OPCML: variants seen among roughly 807,000 people sequenced by gnomAD.
OPCML encodes opioid-binding protein/cell adhesion molecule.
In OPCML, 13 loss-of-function variants were observed where a neutral mutation model predicts 37.8. The observed-to-expected ratio is 0.34, with a 90% CI of 0.22 to 0.55. The LOEUF (loss-of-function observed/expected upper bound fraction) is 0.55. OPCML is among the 20% of genes least tolerant of loss of function. The probability of loss-of-function intolerance (pLI) is 0.91; values close to 1 mark genes in which losing one functional copy is unlikely to be tolerated. For missense variants in OPCML, 341 were observed against 435.6 expected, an observed-to-expected ratio of 0.78 and a Z score of 1.93; for synonymous variants, 176 against 168.8, an observed-to-expected ratio of 1.04 and a Z score of -0.33.
At chr11:132,452,578 T>C (rs550800125) in intron 4 of OPCML, among the ~76,000 whole-genome samples, 80 of 150,414 alleles carry the variant, frequency 5.3e-4, no homozygotes, top group African/African-American at 1.9e-3. Context: ...CCTGCCTGCC[T>C]TCCTACTTTC....
chr11:132,771,263 A>AT (rs1195965884), intron 2 of OPCML, among the ~76,000 whole-genome samples: 24 of 152,290 alleles, frequency 1.6e-4, no homozygotes, highest in Admixed American at 1.3e-3. Context: ...TATACAATGC[A>AT]TTTTTTCCCA....
chr11:132,719,717 T>C (rs1341788350), intron 2 of OPCML, among the ~76,000 whole-genome samples: 3 of 152,128 alleles, frequency 2.0e-5, no homozygotes, highest in Non-Finnish European at 4.4e-5. Context: ...TCCCTTTATA[T>C]TGAAATAAAA....
At chr11:133,237,071 G>A (rs143306234) in intron 1 of OPCML, among the ~76,000 whole-genome samples, 162 of 152,266 alleles carry the variant, frequency 1.1e-3, no homozygotes, top group South Asian at 9.5e-3. Context: ...TCAAACATGG[G>A]GAAGGAGTCC....
intron 1 of OPCML, among the ~76,000 whole-genome samples, chr11:133,473,766 G>A (rs964962191): frequency 1.3e-5 from 2 of 152,196 alleles, no homozygotes; most frequent in Non-Finnish European, 2.9e-5. Context: ...TTTGTGCCCA[G>A]TACATCCAAC....
rs780687044 is a variant in OPCML, at chr11:133,140,728, GAC to G, written c.62-197720_62-197719del. ...AAGACGGAAGACGAAGACGGAAGAC[GAC>G]GACGACGACGACGACGAGGAAGAAG... is the stretch of plus-strand genomic sequence containing the variant. On this transcript the variant is annotated intron_variant, in intron 1 of 7. Coordinates refer to ENST00000524381, the MANE Select transcript of OPCML (RefSeq NM_001012393.5). 0.023 allele frequency among the ~76,000 whole-genome samples: 48 copies of G among 2,124 alleles called. No homozygotes were observed. In the East Asian group the frequency reaches 0.36, roughly 16 times the overall value. 1.4% of individuals were successfully genotyped at this position (2,124 alleles called of 152,430 possible). A position where few individuals can be genotyped will look rare whatever the true frequency, so the allele number is the denominator to read the frequency against.
intron 4 of OPCML, among the ~76,000 whole-genome samples, chr11:132,444,983 A>C (rs1047704605): frequency 1.3e-5 from 2 of 152,230 alleles, no homozygotes; most frequent in African/African-American, 4.8e-5. Context: ...TTTGGAGGCC[A>C]AGCGCCTGGT....
chr11:133,068,453 G>A (rs983639440), intron 1 of OPCML, among the ~76,000 whole-genome samples: 3 of 152,180 alleles, frequency 2.0e-5, no homozygotes, highest in Admixed American at 6.5e-5. Flanking sequence ...CAGTGCGGAC[G>A]CTGCCCTTCT....
chr11:132,830,558 T>C (rs1940628193), intron 2 of OPCML, among the ~76,000 whole-genome samples: 1 of 152,190 alleles, frequency 6.6e-6, no homozygotes, highest in South Asian at 2.1e-4. Context: ...CTCTTTCTAC[T>C]TGCTCTTTCC....
intron 1 of OPCML, among the ~76,000 whole-genome samples, chr11:133,414,322 C>A (rs551566621): frequency 1.3e-5 from 2 of 152,262 alleles, no homozygotes; most frequent in East Asian, 3.9e-4. Context: ...AATCACCTTA[C>A]TGGCTTTTTT....
At chr11:133,321,926 G>A (rs1233066821) in intron 1 of OPCML, among the ~76,000 whole-genome samples, 1 of 152,004 alleles carries the variant, frequency 6.6e-6, no homozygotes, top group African/African-American at 2.4e-5. Context: ...CATTTGAAAA[G>A]CATATAATAT....
intron 2 of OPCML, among the ~76,000 whole-genome samples, chr11:132,852,150 C>CTT (rs2136331729): frequency 6.6e-6 from 1 of 152,244 alleles, no homozygotes; most frequent in South Asian, 2.1e-4. Context: ...TTCTTATCTG[C>CTT]CTTATTTTAG....
rs548155587 is a variant in OPCML, at chr11:132,730,513, G to A, written c.147-73194C>T. On this transcript the variant is annotated intron_variant, in intron 2 of 7. Coordinates refer to ENST00000524381, the MANE Select transcript of OPCML (RefSeq NM_001012393.5). ...TTTCTTCTCTGTGTAATGTAATTTT[G>A]ATAGTATAAAAATGTGGTGATGGAA... 5.9e-5 allele frequency among the ~76,000 whole-genome samples: 9 copies of A among 152,242 alleles called. No homozygotes were observed. In the East Asian group the frequency reaches 1.7e-3, roughly 29 times the overall value.
At chr11:132,787,223 G>C (rs1418894480) in intron 2 of OPCML, among the ~76,000 whole-genome samples, 5 of 152,126 alleles carry the variant, frequency 3.3e-5, no homozygotes, top group Non-Finnish European at 5.9e-5. Flanking sequence ...TAATCAGATT[G>C]CACCCCAAAT....
chr11:132,914,104 G>A (rs1016536211), intron 2 of OPCML, among the ~76,000 whole-genome samples: 12 of 152,146 alleles, frequency 7.9e-5, no homozygotes, highest in East Asian at 1.9e-4. Context: ...TCTCTGCTGC[G>A]AGGAGGTAAG....
At chr11:133,009,793 C>A (rs755099126) in intron 1 of OPCML, among the ~76,000 whole-genome samples, 1 of 152,144 alleles carries the variant, frequency 6.6e-6, no homozygotes, top group Non-Finnish European at 1.5e-5. Flanking sequence ...GGGGCGCAGG[C>A]GGTAATGCTC....
At chr11:132,495,152 G>A (rs1471156606) in intron 4 of OPCML, among the ~76,000 whole-genome samples, 1 of 150,788 alleles carries the variant, frequency 6.6e-6, no homozygotes, top group Non-Finnish European at 1.5e-5. Flanking sequence ...TTCTTCCATT[G>A]TAATCCCTTC....
chr11:132,659,131 A>G (rs556799259), intron 2 of OPCML, among the ~76,000 whole-genome samples: 1 of 152,144 alleles, frequency 6.6e-6, no homozygotes, highest in Non-Finnish European at 1.5e-5. Flanking sequence ...GAAAAAATGA[A>G]GTCATGTTAT....
intron 1 of OPCML, among the ~76,000 whole-genome samples, chr11:133,404,860 A>G (rs1433774120): frequency 2.0e-5 from 3 of 152,264 alleles, no homozygotes; most frequent in Admixed American, 6.5e-5. Flanking sequence ...TCTAGAGCAG[A>G]ATAATAAAAT....
chr11:132,607,672 G>A lies in OPCML; in HGVS notation c.379+49415C>T, dbSNP rs535204565. On this transcript the variant is annotated intron_variant, in intron 3 of 7. Transcript: ENST00000524381. ...CAGACTTGGGTTCCAGCTTCAGCTC[G>A]GTGAGTTCATTAGCTGTGTAATTTT... Among the ~76,000 whole-genome samples, 12 of 152,296 alleles carry A rather than the reference G, an allele frequency of 7.9e-5. No homozygotes were observed. The East Asian group carries it at 1.5e-3, about 20-fold the overall frequency.
Sources: allele counts gnomAD v4.1 joint callset (sites outside exome capture counted in the v4.1 genomes callset), GRCh38; gene constraint gnomAD v4.1.1; transcripts MANE v1.5; gene names NCBI Gene and HGNC (gene_info 2026-07-23, HGNC 2026-07-21).